The following GTF2H1 variants were observed in gnomAD, a reference collection of about 807,000 sequenced individuals.
The protein encoded by GTF2H1 is general transcription factor IIH subunit 1.
Under a neutral mutation model 71.2 loss-of-function variants are expected in GTF2H1, and 16 were observed. That is an observed-to-expected ratio of 0.22 (90% confidence interval 0.15 to 0.34). The LOEUF is 0.34. GTF2H1 is among the 10% of genes least tolerant of loss of function. The pLI is 1.00. For synonymous variants in GTF2H1, 215 were observed against 219.0 expected (o/e 0.98, Z 0.16); for missense variants, 498 against 648.2 (o/e 0.77, Z 2.52).
intron 13 of GTF2H1, among the ~76,000 whole-genome samples, chr11:18,358,844 G>A (rs1003413780): frequency 4.6e-5 from 7 of 152,150 alleles, no homozygotes; most frequent in African/African-American, 9.7e-5. Flanking sequence ...AGATCCAGAC[G>A]AGTTCCATAA....
chr11:18,333,953 A>C (rs549390139), intron 2 of GTF2H1, among the ~76,000 whole-genome samples: 2 of 152,182 alleles, frequency 1.3e-5, no homozygotes, highest in Non-Finnish European at 2.9e-5. Context: ...TATAAATTTC[A>C]GGCATGGGCT....
chr11:18,343,267 T>C (rs1002845679), intron 7 of GTF2H1, among the ~76,000 whole-genome samples: 5 of 152,204 alleles, frequency 3.3e-5, no homozygotes, highest in African/African-American at 2.4e-5. Context: ...TTAGTGAGGC[T>C]AATAGTACTT....
intron 14 of GTF2H1, 111 bp from the exon 15 acceptor site, chr11:18,365,672 A>G (rs1248120065): frequency 2.8e-6 from 2 of 708,720 alleles, no homozygotes; most frequent in African/African-American, 1.7e-5. Flanking sequence ...TGACTGGGGA[A>G]ATACAGAGGA....
intron 12 of GTF2H1, 99 bp downstream of exon 12, chr11:18,358,141 A>G (rs1257424389): frequency 5.3e-6 from 4 of 751,862 alleles, no homozygotes; most frequent in Non-Finnish European, 9.2e-6. Context: ...CCTTGGAATA[A>G]TCCTGGGATT....
At position 18,338,401 on chromosome 11, in the gene GTF2H1, A is replaced by G. The variant is rs1865081374; in HGVS notation, c.513+127A>G. ...GAAAGTAATGGAAAATTGAGTATCC[A>G]TGGTATTCTTCACTATTATTGAACT... On this transcript the variant is annotated intron_variant, in intron 4 of 14. Transcript: ENST00000265963. 6 of 637,860 alleles carry G rather than the reference A, an allele frequency of 9.4e-6. No homozygotes were observed. The Admixed American group carries it at 1.1e-4, about 12-fold the overall frequency. 39.5% of individuals were successfully genotyped at this position (637,860 alleles called of 1,614,324 possible).
chr11:18,329,473 C>G (rs1864844685), intron 1 of GTF2H1, among the ~76,000 whole-genome samples: 1 of 152,214 alleles, frequency 6.6e-6, no homozygotes, highest in African/African-American at 2.4e-5. Context: ...CATTCTGCTG[C>G]TTCAGTGGTC....
chr11:18,340,475 A>G (rs1865131155), intron 5 of GTF2H1, among the ~76,000 whole-genome samples: 1 of 152,012 alleles, frequency 6.6e-6, no homozygotes, highest in Non-Finnish European at 1.5e-5. Context: ...TTTTGTAGAG[A>G]TGGGGTTTCA....
chr11:18,334,244 G>T (rs1161219628), intron 2 of GTF2H1, among the ~76,000 whole-genome samples: 1 of 152,160 alleles, frequency 6.6e-6, no homozygotes, highest in Non-Finnish European at 1.5e-5. Context: ...TCTGGGCATG[G>T]TGGCGGGCGC....
At chr11:18,335,221 A>T (rs1455286838) in intron 2 of GTF2H1, among the ~76,000 whole-genome samples, 1 of 152,240 alleles carries the variant, frequency 6.6e-6, no homozygotes, top group Non-Finnish European at 1.5e-5. Context: ...CCATCACCTC[A>T]GAAAGCATAT....
At chr11:18,325,426 T>G (rs1020666135) in intron 1 of GTF2H1, among the ~76,000 whole-genome samples, 1 of 152,240 alleles carries the variant, frequency 6.6e-6, no homozygotes, top group Admixed American at 6.5e-5. Flanking sequence ...GAGATTGTAT[T>G]CTTTTAACAG....
rs1865833622 is a variant in GTF2H1, at chr11:18,366,738, TA to T, written c.*874del. On this transcript the variant is annotated 3_prime_UTR_variant, in exon 15 of 15. Coordinates refer to ENST00000265963, the MANE Select transcript of GTF2H1 (RefSeq NM_005316.4). ...AGAAGATATTGCATTTTTAAGAGTT[TA>T]AAAATCTTATGAGTGAGAAATATTA... The T allele has an allele frequency of 6.6e-6, 1 of 152,508 alleles. No individual in the cohort carries two copies. The highest frequency in any genetic ancestry group is 2.4e-5 in the African/African-American group (1 of 41,418). The allele number at this position is 152,508 out of a possible 1,614,324, so 9.4% of individuals were successfully genotyped here.
At chr11:18,356,594 T>G (rs753630407) in intron 11 of GTF2H1, among the ~76,000 whole-genome samples, 16 of 151,988 alleles carry the variant, frequency 1.1e-4, no homozygotes, top group African/African-American at 2.2e-4. Flanking sequence ...GGTGGTGGTG[T>G]TTGTTTGATT....
intron 7 of GTF2H1, among the ~76,000 whole-genome samples, chr11:18,342,252 C>CTCT: frequency 1.4e-5 from 1 of 72,778 alleles, no homozygotes; most frequent in African/African-American, 5.1e-5. Flanking sequence ...TTTTCTGTCT[C>CTCT]TTTTTTTTTT....
chr11:18,336,301 A>C (rs1392935779), intron 3 of GTF2H1, among the ~76,000 whole-genome samples: 1 of 151,650 alleles, frequency 6.6e-6, no homozygotes, highest in Non-Finnish European at 1.5e-5. Context: ...TAATTTTTGT[A>C]ATTTTAATAG....
chr11:18,351,803 AGTTTT>A, intron 9 of GTF2H1, 73 bp from the exon 10 acceptor site: 1 of 758,622 alleles, frequency 1.3e-6, no homozygotes, highest in Non-Finnish European at 2.3e-6. Flanking sequence ...CCCTCTGTAC[AGTTTT>A]GTTTTTTCAG....
At chr11:18,355,503 A>T (rs1161081767) in intron 11 of GTF2H1, among the ~76,000 whole-genome samples, 2 of 150,952 alleles carry the variant, frequency 1.3e-5, no homozygotes, top group Non-Finnish European at 3.0e-5. Context: ...AAATAAATTT[A>T]CTTATTTATT....
At chr11:18,355,482 G>GTAAAA (rs1554956353) in intron 11 of GTF2H1, among the ~76,000 whole-genome samples, 1 of 81,500 alleles carries the variant, frequency 1.2e-5, no homozygotes, top group African/African-American at 4.9e-5. Context: ...TTAACATACA[G>GTAAAA]TAAAATAAAT....
intron 7 of GTF2H1, among the ~76,000 whole-genome samples, chr11:18,346,568 A>T (rs142960760): frequency 1.3e-5 from 2 of 152,034 alleles, no homozygotes; most frequent in Non-Finnish European, 2.9e-5. Context: ...CGTGCACTCA[A>T]TACATGTTTT....
At chr11:18,329,415 T>C (rs2133953443) in intron 1 of GTF2H1, among the ~76,000 whole-genome samples, 1 of 152,354 alleles carries the variant, frequency 6.6e-6, no homozygotes, top group African/African-American at 2.4e-5. Context: ...AAATGGGGTA[T>C]GGGCAAGCAA....
Sources: allele counts gnomAD v4.1 joint callset (sites outside exome capture counted in the v4.1 genomes callset), GRCh38; gene constraint gnomAD v4.1.1; transcripts MANE v1.5; gene names NCBI Gene and HGNC (gene_info 2026-07-23, HGNC 2026-07-21).